Variants in ELP2 observed in about 807,000 individuals in gnomAD.
ELP2 encodes elongator acetyltransferase complex subunit 2.
A neutral mutation model predicts 119.2 loss-of-function variants in ELP2; 90 were observed. The observed-to-expected ratio is 0.75, with a 90% CI of 0.64 to 0.90. The LOEUF is 0.90. Among genes scored for constraint, ELP2 ranks in the 40% least tolerant of loss-of-function variants. ELP2 has a pLI of 0.00. For synonymous variants in ELP2, 339 were observed against 331.0 expected (o/e 1.02, Z -0.26); for missense variants, 921 against 967.8 (o/e 0.95, Z 0.64).
chr18:36,138,270 C>T lies in ELP2; in HGVS notation c.289C>T (p.Leu97Phe). Residue 97 changes from leucine to phenylalanine, a missense_variant and splice_region_variant, in exon 4 of 22, where the codon CTT becomes TTT. Transcript: ENST00000358232. ...GCTTCTGTCATTCTTTCTGATTCAGCTTTTAAAAGCAGTGCATCTTCAAGG... is the reference window on the plus strand; with the variant it reads ...GCTTCTGTCATTCTTTCTGATTCAGTTTTTAAAAGCAGTGCATCTTCAAGG... Reference protein sequence around the residue: ...VIHWEIEDNQLLKAVHLQGHE... With the variant: ...VIHWEIEDNQFLKAVHLQGHE... The T allele has an allele frequency of 1.9e-6, 3 of 1,613,970 alleles. No individual in the cohort carries two copies. Among genetic ancestry groups the T allele is most frequent in the Non-Finnish European group, 2.5e-6 (3 of 1,179,920 alleles).
In ELP2 at chr18:36,138,429, A is replaced by G. The variant is rs1232954751; in HGVS notation, c.445+3A>G. The G allele has an allele frequency of 2.8e-5, 45 of 1,613,846 alleles. No individual in the cohort carries two copies. The highest frequency in any genetic ancestry group is 3.7e-5 in the Non-Finnish European group (44 of 1,179,928). ...CTGGTCTAAAAAGGGTCCAGAAGGTAGGTTTGGAGACATGATAATCCAGAC... is the reference window on the plus strand; with the variant it reads ...CTGGTCTAAAAAGGGTCCAGAAGGTGGGTTTGGAGACATGATAATCCAGAC... On this transcript the variant is annotated splice_donor_region_variant and intron_variant, in intron 4 of 21. Coordinates refer to ENST00000358232, the MANE Select transcript of ELP2 (RefSeq NM_018255.4).
rs1326479486 is a variant in ELP2, at chr18:36,175,999, T to C, written c.*1358T>C. ...TACAATATTTCTAATCTGTGTTTTA[T>C]AGTGTGAGCTACATATGTAATTTTA... On this transcript the variant is annotated 3_prime_UTR_variant, in exon 22 of 22. Transcript: ENST00000358232. The C allele has an allele frequency of 6.6e-6, 1 of 152,222 alleles. No individual in the cohort carries two copies. The highest frequency in any genetic ancestry group is 2.4e-5 in the African/African-American group (1 of 41,452). The allele number at this position is 152,222 out of a possible 1,614,324, so 9.4% of individuals were successfully genotyped here.
rs2091276519 is a variant in ELP2 at position 36,178,796 on chromosome 18, GGTT to G, written c.*4159_*4161del. On this transcript the variant is annotated 3_prime_UTR_variant, in exon 22 of 22. Transcript: ENST00000358232. Reference sequence around the variant, plus strand: ...ATGGATGAAATCAATTTATGTCTTGGGTTGTTTCATAATGATTGTGTGTGTGTC... The same window carrying G: ...ATGGATGAAATCAATTTATGTCTTGGGTTTCATAATGATTGTGTGTGTGTC... 2 of 152,066 alleles carry G rather than the reference GGTT, an allele frequency of 1.3e-5. No individual in the cohort carries two copies. Among genetic ancestry groups the G allele is most frequent in the African/African-American group, 2.4e-5 (1 of 41,498 alleles). 9.4% of individuals were successfully genotyped at this position (152,066 alleles called of 1,614,324 possible).
In ELP2 at chr18:36,156,553, G is replaced by A; in HGVS notation, c.1363G>A (p.Gly455Arg). 1 of 1,614,074 alleles carries A rather than the reference G, an allele frequency of 6.2e-7. No individual in the cohort carries two copies. The highest frequency in any genetic ancestry group is 2.2e-5 in the East Asian group (1 of 44,862). ...GATTAATCGGTTTCAGTTTGTATCT[G>A]GAGCAGATGAAAAAGTTCTTCGGGT... is the stretch of plus-strand genomic sequence containing the variant. Reference protein sequence around the residue: ...AMINRFQFVSGADEKVLRVFS... With the variant: ...AMINRFQFVSRADEKVLRVFS... Residue 455 changes from glycine (G) to arginine (R), a missense_variant, in exon 13 of 22, where the codon GGA becomes AGA. Physicochemically the swap from Gly to Arg is moderately radical, Grantham distance 125. Transcript: ENST00000358232.
chr18:36,138,131 G>C, intron 3 of ELP2, 139 bp from the exon 4 acceptor site: 2 of 767,646 alleles, frequency 2.6e-6, no homozygotes, highest in Non-Finnish European at 4.2e-6. Flanking sequence ...AACATGGTCA[G>C]ACAGACTTCT....
At chr18:36,164,771 G>C in intron 18 of ELP2, 104 bp downstream of exon 18, 2 of 1,125,228 alleles carry the variant, frequency 1.8e-6, no homozygotes, top group South Asian at 1.3e-5. Flanking sequence ...GTGAAGGGTA[G>C]AGCCTCATGT....
rs78720140 is a variant in ELP2 at position 36,176,301 on chromosome 18, G to C, written c.*1660G>C. On this transcript the variant is annotated 3_prime_UTR_variant, in exon 22 of 22. Transcript: ENST00000358232. ...CAGCTGGGGGGTGGGGTGTGTGTGC[G>C]TGTATACCAAGGCAGTGAGCATCTG... is the stretch of plus-strand genomic sequence containing the variant. The C allele has an allele frequency of 1.3e-5, 2 of 152,244 alleles. No homozygotes were observed. Among genetic ancestry groups the C allele is most frequent in the African/African-American group, 4.8e-5 (2 of 41,420 alleles). 9.4% of individuals were successfully genotyped at this position (152,244 alleles called of 1,614,324 possible).
At chr18:36,133,050 A>ATTTTT (rs2089689338) in intron 1 of ELP2, among the ~76,000 whole-genome samples, 188 bp from the exon 2 acceptor site, 1 of 152,188 alleles carries the variant, frequency 6.6e-6, no homozygotes, top group Admixed American at 6.5e-5. Flanking sequence ...CAAGAAAGGC[A>ATTTTT]GGACTGATTT....
Position 36,141,089 on chromosome 18 carries a change from G to A in ELP2, c.524-48G>A, listed in dbSNP as rs763059937. On this transcript the variant is annotated intron_variant, in intron 5 of 21. Coordinates refer to ENST00000358232, the MANE Select transcript of ELP2 (RefSeq NM_018255.4). ...TCCAGTACAGTTGATAAATCATAAC[G>A]TGGTGGAATAGAGAACTCACAGTGA... 62 of 1,441,306 alleles carry A rather than the reference G, an allele frequency of 4.3e-5. No individual in the cohort carries two copies. In the East Asian group the frequency reaches 8.6e-4, roughly 20 times the overall value. The allele number at this position is 1,441,306 out of a possible 1,614,324, so 89.3% of individuals were successfully genotyped here.
Position 36,154,947 on chromosome 18 carries a change from C to T in ELP2, c.1223C>T (p.Thr408Ile), listed in dbSNP as rs760067261. Residue 408 changes from threonine to isoleucine, a missense_variant, in exon 12 of 22, where the codon ACT becomes ATT. By Grantham distance (89) the Thr-to-Ile change is moderately conservative. Transcript: ENST00000358232. Reference protein sequence around the residue: ...PEGEFIITVGTDQTTRLFAPW... With the variant: ...PEGEFIITVGIDQTTRLFAPW... ...GGAGAATTTATTATCACTGTTGGTACTGATCAGACAACTAGACTTTTTGCT... is the reference window on the plus strand; with the variant it reads ...GGAGAATTTATTATCACTGTTGGTATTGATCAGACAACTAGACTTTTTGCT... 6.2e-6 allele frequency: 10 copies of T among 1,613,914 alleles called. No homozygotes were observed. Among genetic ancestry groups the T allele is most frequent in the Admixed American group, 1.7e-5 (1 of 60,012 alleles).
At chr18:36,160,340 C>G (rs533724686) in intron 16 of ELP2, among the ~76,000 whole-genome samples, 1 of 151,836 alleles carries the variant, frequency 6.6e-6, no homozygotes, top group Non-Finnish European at 1.5e-5. Context: ...TTTGGGAGGC[C>G]GTAGCAGGAG....
chr18:36,129,987 G>A lies in ELP2; in HGVS notation c.54G>A (p.Val18=), dbSNP rs2089532643. The A allele has an allele frequency of 6.2e-7, 1 of 1,614,124 alleles. No homozygotes were observed. The highest frequency in any genetic ancestry group is 1.3e-5 in the African/African-American group (1 of 74,944). The change falls in exon 1 of 22, where the codon GTG becomes GTA. Residue 18 remains valine, a synonymous_variant. Coordinates refer to ENST00000358232, the MANE Select transcript of ELP2 (RefSeq NM_018255.4). ...ACGTGTTTTGCTGCCCAAACCGGGT[G>A]CGGGGAGTCCTGAACTGGAGCTCTG... is the stretch of plus-strand genomic sequence containing the variant. The part of the protein sequence containing the change: ...TSHVFCCPNR[V]RGVLNWSSGP...
chr18:36,169,907 GC>G, intron 19 of ELP2, 155 bp from the exon 20 acceptor site: 1 of 950,218 alleles, frequency 1.1e-6, no homozygotes, highest in South Asian at 1.4e-5. Flanking sequence ...TGCTTGAAAT[GC>G]TCTCAAGTCC....
chr18:36,131,393 TC>T (rs1163307349), intron 1 of ELP2, among the ~76,000 whole-genome samples: 1 of 152,214 alleles, frequency 6.6e-6, no homozygotes, highest in Admixed American at 6.5e-5. Flanking sequence ...CAGCAGGCTC[TC>T]CATCATCTCC....
intron 19 of ELP2, among the ~76,000 whole-genome samples, chr18:36,167,680 C>G (rs2090948362): frequency 6.8e-6 from 1 of 146,700 alleles, no homozygotes; most frequent in Admixed American, 7.2e-5. Context: ...AAAGTCAAAA[C>G]AAAGTAGCTA....
At chr18:36,133,444 A>G (rs2089707569) in intron 2 of ELP2, 128 bp downstream of exon 2, 2 of 726,636 alleles carry the variant, frequency 2.8e-6, no homozygotes, top group African/African-American at 1.7e-5. Flanking sequence ...TGGAGAAACA[A>G]GAAAAATGGT....
chr18:36,130,746 G>A (rs943792842), intron 1 of ELP2, among the ~76,000 whole-genome samples: 1 of 152,152 alleles, frequency 6.6e-6, no homozygotes, highest in Non-Finnish European at 1.5e-5. Context: ...TGGCTAAGTT[G>A]GTCTATACAG....
chr18:36,158,312 T>C (rs559691088), intron 13 of ELP2, among the ~76,000 whole-genome samples: 2 of 152,340 alleles, frequency 1.3e-5, no homozygotes, highest in South Asian at 2.1e-4. Flanking sequence ...TAAGCAGATA[T>C]TGCCTTTTCA....
chr18:36,161,401 C>T (rs1260148430), intron 17 of ELP2, among the ~76,000 whole-genome samples: 6 of 151,962 alleles, frequency 3.9e-5, no homozygotes, highest in African/African-American at 1.2e-4. Flanking sequence ...TATAAAACAG[C>T]GATATCTCAA....
Sources: allele counts gnomAD v4.1 joint callset (sites outside exome capture counted in the v4.1 genomes callset), GRCh38; gene constraint gnomAD v4.1.1; transcripts MANE v1.5; gene names NCBI Gene and HGNC (gene_info 2026-07-23, HGNC 2026-07-21).